The following WIF1 variants were observed in gnomAD, a reference collection of about 807,000 sequenced individuals.
WIF1 encodes the protein Wnt inhibitory factor 1.
In WIF1, 35 loss-of-function variants were observed where a neutral mutation model predicts 53.5. The ratio of observed to expected loss-of-function variants is 0.65; its 90% CI spans 0.50 to 0.87. WIF1 has a LOEUF of 0.87. WIF1 is among the 40% of genes least tolerant of loss of function. The pLI, the probability that WIF1 is intolerant of heterozygous loss-of-function variation, is 0.00. For synonymous variants in WIF1, 171 were observed against 170.4 expected, an observed-to-expected ratio of 1.00 and a Z score of -0.03; for missense variants, 467 against 476.8, an observed-to-expected ratio of 0.98 and a Z score of 0.19.
chr12:65,098,654 G>A (rs1000859749), intron 2 of WIF1, among the ~76,000 whole-genome samples: 19 of 144,592 alleles, frequency 1.3e-4, no homozygotes, highest in African/African-American at 5.3e-4. Flanking sequence ...GAACATTAAA[G>A]TCTGTGTGTG....
intron 2 of WIF1, among the ~76,000 whole-genome samples, chr12:65,116,609 A>T (rs775426481): frequency 6.6e-6 from 1 of 152,022 alleles, no homozygotes; most frequent in Admixed American, 6.6e-5. Context: ...CACTTGAATC[A>T]TCCTGAAACC....
chr12:65,053,537 A>G (rs975275571), intron 9 of WIF1, among the ~76,000 whole-genome samples: 1 of 152,142 alleles, frequency 6.6e-6, no homozygotes, highest in Admixed American at 6.5e-5. Context: ...CCACCTTATG[A>G]AGAAGGTACC....
chr12:65,062,429 G>A (rs957594181), intron 7 of WIF1, 52 bp downstream of exon 7: 1 of 1,477,980 alleles, frequency 6.8e-7, no homozygotes, highest in Non-Finnish European at 9.3e-7. Context: ...GGGGTTATAT[G>A]GGGTTTCTAA....
chr12:65,090,979 T>C (rs909232483), intron 2 of WIF1, among the ~76,000 whole-genome samples: 6 of 151,932 alleles, frequency 3.9e-5, no homozygotes, highest in South Asian at 2.1e-4. Flanking sequence ...GCATTGTGGG[T>C]ATAGGGAGTA....
At chr12:65,069,185 A>T (rs1882734909) in intron 3 of WIF1, among the ~76,000 whole-genome samples, 1 of 152,202 alleles carries the variant, frequency 6.6e-6, no homozygotes, top group African/African-American at 2.4e-5. Context: ...ACTATCTTAA[A>T]TATTTTCCCT....
intron 2 of WIF1, among the ~76,000 whole-genome samples, chr12:65,080,821 G>A (rs1336605711): frequency 6.6e-6 from 1 of 151,992 alleles, no homozygotes; most frequent in South Asian, 2.1e-4. Context: ...AAATTAAAAG[G>A]TCAAATACCA....
chr12:65,114,607 C>T (rs925556689), intron 2 of WIF1, among the ~76,000 whole-genome samples: 3 of 152,144 alleles, frequency 2.0e-5, no homozygotes, highest in African/African-American at 4.8e-5. Flanking sequence ...TAGGGAGCTA[C>T]GCTAGTGTCA....
chr12:65,120,483 T>C lies in WIF1; in HGVS notation c.222A>G (p.Gln74=), dbSNP rs1442517451. The C allele has an allele frequency of 6.2e-7, 1 of 1,614,206 alleles. No homozygotes were observed. Among genetic ancestry groups the C allele is most frequent in the Non-Finnish European group, 8.5e-7 (1 of 1,180,028 alleles). ...TGACAGGAATAGCTGGCATTCTCTGTTGTGCTTTTCTGAAATCATGTGTAA... is the reference window on the plus strand; with the variant it reads ...TGACAGGAATAGCTGGCATTCTCTGCTGTGCTTTTCTGAAATCATGTGTAA... The part of the protein sequence containing the change: ...APFTHDFRKA[Q]QRMPAIPVNI... The change falls in exon 2 of 10, where the codon CAA becomes CAG. Residue 74 remains glutamine (Q), a synonymous_variant. Transcript: ENST00000286574.
At chr12:65,100,414 C>A (rs1477325633) in intron 2 of WIF1, among the ~76,000 whole-genome samples, 1 of 152,028 alleles carries the variant, frequency 6.6e-6, no homozygotes, top group African/African-American at 2.4e-5. Flanking sequence ...AGGCACAAAT[C>A]AACAATTATC....
At chr12:65,084,830 G>T (rs1031515414) in intron 2 of WIF1, among the ~76,000 whole-genome samples, 3 of 152,138 alleles carry the variant, frequency 2.0e-5, no homozygotes, top group Non-Finnish European at 2.9e-5. Context: ...TTTGGCAATT[G>T]CTAAGTTACT....
At chr12:65,113,319 A>G (rs1883461187) in intron 2 of WIF1, among the ~76,000 whole-genome samples, 1 of 152,184 alleles carries the variant, frequency 6.6e-6, no homozygotes, top group Non-Finnish European at 1.5e-5. Context: ...CATCTTATTC[A>G]TCAGGGACAG....
At chr12:65,096,394 G>A (rs567146956) in intron 2 of WIF1, among the ~76,000 whole-genome samples, 1 of 152,286 alleles carries the variant, frequency 6.6e-6, no homozygotes, top group East Asian at 1.9e-4. Context: ...TGGAGAAATA[G>A]GAATGCTTTT....
intron 2 of WIF1, among the ~76,000 whole-genome samples, chr12:65,115,617 A>G (rs941638420): frequency 1.3e-5 from 2 of 152,258 alleles, no homozygotes; most frequent in African/African-American, 2.4e-5. Flanking sequence ...AAAGTTTTAT[A>G]CAAGAATAAA....
At chr12:65,062,380 A>G (rs1178375846) in intron 7 of WIF1, 101 bp downstream of exon 7, 8 of 1,007,126 alleles carry the variant, frequency 7.9e-6, no homozygotes, top group Non-Finnish European at 1.2e-5. Context: ...CAAGTTATTC[A>G]TTCTCTCTGG....
rs1883204039 is a variant in WIF1, at chr12:65,096,320, A to G, written c.289-18466T>C. Among the ~76,000 whole-genome samples the G allele has an allele frequency of 3.9e-5, 6 of 152,330 alleles. No individual in the cohort carries two copies. In the South Asian group the frequency reaches 1.2e-3, roughly 32 times the overall value. On this transcript the variant is annotated intron_variant, in intron 2 of 9. Transcript: ENST00000286574. ...CAAACCAAAACCACAATGAGATACCATCTCATGCCAGTTAGAATGGCAGTC... is the reference window on the plus strand; with the variant it reads ...CAAACCAAAACCACAATGAGATACCGTCTCATGCCAGTTAGAATGGCAGTC...
chr12:65,108,750 CA>C (rs1883387041), intron 2 of WIF1, among the ~76,000 whole-genome samples: 1 of 152,146 alleles, frequency 6.6e-6, no homozygotes, highest in African/African-American at 2.4e-5. Flanking sequence ...CATCCGTCAC[CA>C]AAGTTACCAC....
chr12:65,060,103 G>A lies in WIF1; in HGVS notation c.826+2378C>T, dbSNP rs775111639. Among the ~76,000 whole-genome samples, 29 of 151,820 alleles carry A rather than the reference G, an allele frequency of 1.9e-4. 1 individual carries two copies. Among genetic ancestry groups the A allele is most frequent in the Admixed American group, 1.5e-3 (23 of 15,236 alleles). On this transcript the variant is annotated intron_variant, in intron 7 of 9. Coordinates refer to ENST00000286574, the MANE Select transcript of WIF1 (RefSeq NM_007191.5). ...AAACTGGAACCCTCATACACTGCTGGTGGGAATGTAAAATGATGCAACTGC... is the reference window on the plus strand; with the variant it reads ...AAACTGGAACCCTCATACACTGCTGATGGGAATGTAAAATGATGCAACTGC...
chr12:65,092,390 C>A (rs1400597979), intron 2 of WIF1, among the ~76,000 whole-genome samples: 1 of 150,944 alleles, frequency 6.6e-6, no homozygotes, highest in Non-Finnish European at 1.5e-5. Flanking sequence ...ATGTAACAAG[C>A]CTGCAAGTTC....
At chr12:65,068,648 CATGTGTGTGTGTGTGTGT>C in intron 4 of WIF1, 98 bp downstream of exon 4, 1 of 1,103,254 alleles carries the variant, frequency 9.1e-7, no homozygotes, top group Non-Finnish European at 1.2e-6. Flanking sequence ...TCCAAAAAAC[CATGTGTGTGTGTGTGTGT>C]GTGTGTGTGT....
Sources: gnomAD v4.1 joint callset for allele counts (sites outside exome capture counted in the v4.1 genomes callset) on GRCh38, gnomAD v4.1.1 for gene constraint, MANE v1.5 for transcripts, NCBI Gene and HGNC (gene_info 2026-07-23, HGNC 2026-07-21) for gene names.